Variants in XKR4 observed in about 807,000 individuals in gnomAD.
The protein encoded by XKR4 is XK-related protein 4.
Under a neutral mutation model 53.9 loss-of-function variants are expected in XKR4, and 12 were observed. The ratio of observed to expected loss-of-function variants is 0.22; its 90% CI spans 0.14 to 0.36. The LOEUF (loss-of-function observed/expected upper bound fraction) is 0.36, where lower values mean the gene tolerates loss of function less well. Ranked by LOEUF, XKR4 falls within the 10% of genes least tolerant of loss-of-function variation. The pLI, the probability that XKR4 is intolerant of heterozygous loss-of-function variation, is 1.00. For missense variants in XKR4, 799 were observed against 859.5 expected (o/e 0.93, Z 0.88); for synonymous variants, 354 against 362.4 (o/e 0.98, Z 0.26).
intron 2 of XKR4, among the ~76,000 whole-genome samples, chr8:55,440,018 G>T (rs1325876786): frequency 2.6e-5 from 4 of 152,284 alleles, no homozygotes; most frequent in African/African-American, 9.6e-5. Context: ...ACAAAGAAAT[G>T]AGTTTTGTTA....
intron 2 of XKR4, among the ~76,000 whole-genome samples, chr8:55,477,259 G>C (rs536272063): frequency 1.3e-5 from 2 of 152,100 alleles, no homozygotes; most frequent in Non-Finnish European, 2.9e-5. Flanking sequence ...AGCCACCACT[G>C]TTCTGCAGCC....
At chr8:55,490,952 AT>A (rs1806264244) in intron 2 of XKR4, among the ~76,000 whole-genome samples, 1 of 148,844 alleles carries the variant, frequency 6.7e-6, no homozygotes, top group Non-Finnish European at 1.5e-5. Flanking sequence ...CCTTTATGAC[AT>A]TCCAGTTACA....
intron 2 of XKR4, chr8:55,449,914 G>A (rs887912796): frequency 4.8e-5 from 42 of 872,176 alleles, no homozygotes; most frequent in Non-Finnish European, 6.6e-5. Flanking sequence ...GCCAGATGCG[G>A]TCGAGCCTCT....
chr8:55,442,861 T>A (rs1460975515), intron 2 of XKR4, among the ~76,000 whole-genome samples: 1 of 152,200 alleles, frequency 6.6e-6, no homozygotes. Flanking sequence ...AATGTGGTTT[T>A]TTTTGCAGGG....
At chr8:55,430,299 A>G (rs1053656519) in intron 2 of XKR4, among the ~76,000 whole-genome samples, 1 of 152,184 alleles carries the variant, frequency 6.6e-6, no homozygotes, top group Non-Finnish European at 1.5e-5. Context: ...GCACTCCTGG[A>G]CACTTATGCT....
At chr8:55,263,951 A>T (rs1818565314) in intron 1 of XKR4, among the ~76,000 whole-genome samples, 2 of 152,224 alleles carry the variant, frequency 1.3e-5, no homozygotes. Flanking sequence ...TTGAAGGCCA[A>T]GGGAGCCTCC....
intron 2 of XKR4, among the ~76,000 whole-genome samples, chr8:55,446,130 C>T (rs1177394586): frequency 6.6e-6 from 1 of 151,620 alleles, no homozygotes; most frequent in African/African-American, 2.4e-5. Flanking sequence ...CAGCCCCCAC[C>T]CTGAAACTAT....
chr8:55,361,187 A>G lies in XKR4; in HGVS notation c.1006+3310A>G, dbSNP rs191453167. 3.5e-4 allele frequency among the ~76,000 whole-genome samples: 54 copies of G among 152,292 alleles called. No homozygotes were observed. The East Asian group carries it at 0.01, about 29-fold the overall frequency. On this transcript the variant is annotated intron_variant, in intron 2 of 2. Transcript: ENST00000327381. ...TACCTGCACAGGTAGTGCTCACTGT[A>G]CTTCCAGAGAGTTTCCAGTTTACAG...
chr8:55,503,049 A>G (rs1806468685), intron 2 of XKR4, among the ~76,000 whole-genome samples: 1 of 152,030 alleles, frequency 6.6e-6, no homozygotes, highest in Admixed American at 6.6e-5. Context: ...CTTCTATTTC[A>G]TTGGTCTATT....
chr8:55,277,514 T>C (rs1440485737), intron 1 of XKR4, among the ~76,000 whole-genome samples: 3 of 152,234 alleles, frequency 2.0e-5, no homozygotes, highest in Admixed American at 6.5e-5. Flanking sequence ...ATTTCTACTT[T>C]ATGTACACCT....
intron 2 of XKR4, among the ~76,000 whole-genome samples, chr8:55,390,678 C>T (rs558742850): frequency 2.6e-5 from 4 of 152,252 alleles, no homozygotes; most frequent in East Asian, 3.9e-4. Flanking sequence ...GATTATAAAA[C>T]GAGGTTTTGC....
At chr8:55,462,581 A>G (rs1805679475) in intron 2 of XKR4, among the ~76,000 whole-genome samples, 2 of 152,178 alleles carry the variant, frequency 1.3e-5, no homozygotes, top group African/African-American at 4.8e-5. Flanking sequence ...GAGCAAAATA[A>G]CCAGCTAACA....
Position 55,139,384 on chromosome 8 carries a change from A to G in XKR4, c.806+36090A>G, listed in dbSNP as rs1816671789. On this transcript the variant is annotated intron_variant, in intron 1 of 2. Coordinates refer to ENST00000327381, the MANE Select transcript of XKR4 (RefSeq NM_052898.2). The stretch of plus-strand genomic sequence containing the variant: ...CCCTATCTCTACTAAAAATACAAAA[A>G]TTATCTGGATGCGGTGGCGGCAGGC... Among the ~76,000 whole-genome samples the G allele has an allele frequency of 3.3e-5, 5 of 152,196 alleles. No individual in the cohort carries two copies. The South Asian group carries it at 1.0e-3, about 32-fold the overall frequency.
At chr8:55,332,869 G>C (rs1350018906) in intron 1 of XKR4, among the ~76,000 whole-genome samples, 1 of 148,104 alleles carries the variant, frequency 6.8e-6, no homozygotes, top group Non-Finnish European at 1.5e-5. Context: ...ATGTATGTTA[G>C]TTTGCTTGAT....
chr8:55,227,965 G>A (rs140875259), intron 1 of XKR4, among the ~76,000 whole-genome samples: 158 of 152,312 alleles, frequency 1.0e-3, no homozygotes, highest in African/African-American at 3.5e-3. Flanking sequence ...GGAGGGCAGT[G>A]GTGTGATCTT....
At chr8:55,498,688 G>A (rs1375771020) in intron 2 of XKR4, among the ~76,000 whole-genome samples, 1 of 152,122 alleles carries the variant, frequency 6.6e-6, no homozygotes, top group African/African-American at 2.4e-5. Flanking sequence ...CAGGAGGATC[G>A]CTTGAGGCCA....
Position 55,523,689 on chromosome 8 carries a change from G to T in XKR4, c.1415G>T (p.Ser472Ile). 6.2e-7 allele frequency: 1 copy of T among 1,614,202 alleles called. No individual in the cohort carries two copies. The highest frequency in any genetic ancestry group is 1.1e-5 in the South Asian group (1 of 91,082). Residue 472 changes from serine to isoleucine, a missense_variant, in exon 3 of 3, where the codon AGT (serine) becomes ATT (isoleucine). By Grantham distance (142) the Ser-to-Ile change is moderately radical (BLOSUM62 -2). Transcript: ENST00000327381. ...FVILLENTAL[S>I]ALWYLYKAPQ... Reference sequence around the variant, plus strand: ...ATCCTTTTGGAAAATACAGCCTTGAGTGCCCTCTGGTACCTCTACAAGGCT... The same window carrying T: ...ATCCTTTTGGAAAATACAGCCTTGATTGCCCTCTGGTACCTCTACAAGGCT...
At chr8:55,450,512 TAGTC>T in intron 2 of XKR4, 1 of 644,542 alleles carries the variant, frequency 1.6e-6, no homozygotes, top group Admixed American at 2.1e-5. Flanking sequence ...AATGTGCTCA[TAGTC>T]AGAGTCCAGT....
intron 1 of XKR4, among the ~76,000 whole-genome samples, chr8:55,110,130 A>G (rs958522308): frequency 2.6e-5 from 4 of 152,208 alleles, no homozygotes; most frequent in African/African-American, 9.7e-5. Flanking sequence ...ATTTTCACAT[A>G]AAAGGCTCAG....
Sources: allele counts gnomAD v4.1 joint callset (sites outside exome capture counted in the v4.1 genomes callset), GRCh38; gene constraint gnomAD v4.1.1; transcripts MANE v1.5; gene names NCBI Gene and HGNC (gene_info 2026-07-23, HGNC 2026-07-21).